Variants in MACROD2 observed in about 807,000 individuals in gnomAD.
The protein encoded by MACROD2 is mono-ADP ribosylhydrolase 2.
Under a neutral mutation model 70.4 loss-of-function variants are expected in MACROD2, and 36 were observed. The ratio of observed to expected loss-of-function variants is 0.51; its 90% CI spans 0.39 to 0.68. MACROD2 has a LOEUF of 0.68. MACROD2 is among the 30% of genes least tolerant of loss of function. The probability of loss-of-function intolerance (pLI) is 0.00; values close to 1 mark genes in which losing one functional copy is unlikely to be tolerated. For missense variants in MACROD2, 496 were observed against 538.4 expected (o/e 0.92, Z 0.78); for synonymous variants, 172 against 178.8 (o/e 0.96, Z 0.30).
intron 5 of MACROD2, among the ~76,000 whole-genome samples, chr20:14,696,540 C>G (rs572689178): frequency 6.6e-6 from 1 of 152,020 alleles, no homozygotes; most frequent in Non-Finnish European, 1.5e-5. Flanking sequence ...TCAGAACTAC[C>G]GAGAGTTTGC....
At chr20:15,555,703 C>T (rs1161818540) in intron 8 of MACROD2, among the ~76,000 whole-genome samples, 1 of 151,706 alleles carries the variant, frequency 6.6e-6, no homozygotes, top group African/African-American at 2.4e-5. Flanking sequence ...TAGCTAGGCA[C>T]CTGTAGTCCC....
chr20:14,476,541 G>A (rs893640050), intron 3 of MACROD2, among the ~76,000 whole-genome samples: 3 of 152,146 alleles, frequency 2.0e-5, no homozygotes, highest in African/African-American at 4.8e-5. Context: ...ATTTTTAGTA[G>A]GGAAAGGGTT....
At chr20:14,095,997 T>A (rs1220690168) in intron 3 of MACROD2, among the ~76,000 whole-genome samples, 1 of 152,214 alleles carries the variant, frequency 6.6e-6, no homozygotes, top group Non-Finnish European at 1.5e-5. Context: ...TCTTTTCAAA[T>A]TTTTTGGAAG....
chr20:15,426,824 C>A (rs1196123622), intron 6 of MACROD2, among the ~76,000 whole-genome samples: 2 of 152,052 alleles, frequency 1.3e-5, no homozygotes, highest in Non-Finnish European at 2.9e-5. Flanking sequence ...TATCATTCCT[C>A]CATGGGATAG....
At chr20:15,673,403 G>T (rs1469302021) in intron 8 of MACROD2, among the ~76,000 whole-genome samples, 1 of 152,196 alleles carries the variant, frequency 6.6e-6, no homozygotes, top group East Asian at 1.9e-4. Context: ...CCTGTAAAAA[G>T]AATGGAATTT....
intron 3 of MACROD2, among the ~76,000 whole-genome samples, chr20:14,114,209 G>T (rs1299876071): frequency 1.3e-5 from 2 of 152,108 alleles, no homozygotes; most frequent in Non-Finnish European, 2.9e-5. Flanking sequence ...AGGAAGAAAT[G>T]CGACTTGCCT....
At chr20:14,247,364 A>G (rs1029186072) in intron 3 of MACROD2, among the ~76,000 whole-genome samples, 1 of 152,138 alleles carries the variant, frequency 6.6e-6, no homozygotes, top group African/African-American at 2.4e-5. Context: ...GTCATTGTCA[A>G]CATCTCACTG....
At chr20:14,975,105 C>T (rs1342878706) in intron 5 of MACROD2, among the ~76,000 whole-genome samples, 1 of 152,068 alleles carries the variant, frequency 6.6e-6, no homozygotes, top group Non-Finnish European at 1.5e-5. Flanking sequence ...CATGCACCTC[C>T]AACCCCTGAC....
At chr20:15,917,838 C>T (rs916602158) in intron 10 of MACROD2, among the ~76,000 whole-genome samples, 2 of 145,874 alleles carry the variant, frequency 1.4e-5, no homozygotes, top group African/African-American at 5.1e-5. Context: ...TGAATTCATA[C>T]TAAAAGAGGG....
chr20:14,685,871 C>T lies in MACROD2; in HGVS notation c.418+912C>T, dbSNP rs114446747. On this transcript the variant is annotated intron_variant, in intron 5 of 17. Transcript: ENST00000684519. ...AAAATATGAATGAAAATTTATAATA[C>T]AACCTATAGGATACTATGGGTTATA... 8.3e-3 allele frequency among the ~76,000 whole-genome samples: 1,266 copies of T among 152,244 alleles called. 18 individuals carry two copies. The highest frequency in any genetic ancestry group is 0.029 in the African/African-American group (1,214 of 41,526).
At chr20:14,511,813 A>G (rs2085033937) in intron 4 of MACROD2, among the ~76,000 whole-genome samples, 2 of 152,256 alleles carry the variant, frequency 1.3e-5, no homozygotes, top group South Asian at 4.1e-4. Context: ...AATATCCTTT[A>G]GGACACAATA....
chr20:14,940,641 A>T (rs1465133798), intron 5 of MACROD2, among the ~76,000 whole-genome samples: 1 of 147,788 alleles, frequency 6.8e-6, no homozygotes, highest in African/African-American at 2.5e-5. Context: ...CTTTTTCAGC[A>T]TGTATCAAAA....
At chr20:14,865,304 T>C (rs2073416446) in intron 5 of MACROD2, among the ~76,000 whole-genome samples, 1 of 152,136 alleles carries the variant, frequency 6.6e-6, no homozygotes, top group South Asian at 2.1e-4. Context: ...CCCTGGTCCC[T>C]GTGCTCTGGT....
intron 5 of MACROD2, among the ~76,000 whole-genome samples, chr20:15,063,884 G>T (rs1272401566): frequency 6.6e-6 from 1 of 152,168 alleles, no homozygotes; most frequent in East Asian, 1.9e-4. Context: ...GCTGCAACAA[G>T]TTGGAGCTGC....
chr20:14,350,934 GAGAT>G (rs2083117491), intron 3 of MACROD2, among the ~76,000 whole-genome samples: 1 of 152,190 alleles, frequency 6.6e-6, no homozygotes, highest in African/African-American at 2.4e-5. Flanking sequence ...TGTAAGGTGA[GAGAT>G]AGGGATCAAG....
chr20:15,947,115 A>G (rs916882507), intron 12 of MACROD2, among the ~76,000 whole-genome samples: 3 of 152,206 alleles, frequency 2.0e-5, no homozygotes, highest in Non-Finnish European at 2.9e-5. Flanking sequence ...TCAGAATTGA[A>G]CAAATGTACA....
At chr20:15,388,763 C>T (rs537163740) in intron 6 of MACROD2, among the ~76,000 whole-genome samples, 26 of 152,250 alleles carry the variant, frequency 1.7e-4, no homozygotes, top group African/African-American at 6.3e-4. Context: ...GTTTAGGAGT[C>T]ATTGCTGGTT....
chr20:15,373,316 T>C (rs1234520045), intron 6 of MACROD2, among the ~76,000 whole-genome samples: 19 of 152,308 alleles, frequency 1.2e-4, no homozygotes, highest in Non-Finnish European at 1.5e-5. Context: ...CAAAACCCCA[T>C]ATATCTTATT....
At chr20:14,569,975 T>C (rs895810121) in intron 4 of MACROD2, among the ~76,000 whole-genome samples, 2 of 152,064 alleles carry the variant, frequency 1.3e-5, no homozygotes, top group Non-Finnish European at 2.9e-5. Context: ...GTAATAGAAC[T>C]AAAGCTAAAT....
Sources: gnomAD v4.1 joint callset for allele counts (sites outside exome capture counted in the v4.1 genomes callset) on GRCh38, gnomAD v4.1.1 for gene constraint, MANE v1.5 for transcripts, NCBI Gene and HGNC (gene_info 2026-07-23, HGNC 2026-07-21) for gene names.